Variants in BBX observed in about 807,000 individuals in gnomAD.
BBX encodes the protein HMG box transcription factor BBX.
Under a neutral mutation model 100.2 loss-of-function variants are expected in BBX, and 30 were observed. The observed-to-expected ratio is 0.30, with a 90% CI of 0.22 to 0.41. BBX has a LOEUF of 0.41. BBX is among the 10% of genes least tolerant of loss of function. The pLI, the probability that BBX is intolerant of heterozygous loss-of-function variation, is 1.00. For synonymous variants in BBX, 376 were observed against 388.1 expected, an observed-to-expected ratio of 0.97 and a Z score of 0.37; for missense variants, 1,023 against 1,129.8, an observed-to-expected ratio of 0.91 and a Z score of 1.35.
chr3:107,532,118 C>T (rs543925521), intron 2 of BBX, among the ~76,000 whole-genome samples: 15 of 151,932 alleles, frequency 9.9e-5, no homozygotes, highest in South Asian at 4.2e-4. Context: ...CACTTGAGCC[C>T]GCACGGTTGA....
intron 3 of BBX, among the ~76,000 whole-genome samples, chr3:107,646,591 C>A (rs1243886148): frequency 6.6e-6 from 1 of 151,838 alleles, no homozygotes; most frequent in Non-Finnish European, 1.5e-5. Flanking sequence ...TACTTAAATG[C>A]CTAGAGTTTT....
chr3:107,733,032 G>A lies in BBX; in HGVS notation c.669+9G>A, dbSNP rs1338626836. 2 of 1,610,292 alleles carry A rather than the reference G, an allele frequency of 1.2e-6. No individual in the cohort carries two copies. Among genetic ancestry groups the A allele is most frequent in the Non-Finnish European group, 1.7e-6 (2 of 1,177,646 alleles). ...CTCTTGGCACACCAGAGGTAAGCCA[G>A]TCCTTTTCCGTCTCCACTCTGCTCA... On this transcript the variant is annotated intron_variant, in intron 7 of 17. Transcript: ENST00000325805.
intron 2 of BBX, among the ~76,000 whole-genome samples, chr3:107,592,145 C>G (rs1304839243): frequency 6.6e-6 from 1 of 152,008 alleles, no homozygotes; most frequent in Non-Finnish European, 1.5e-5. Flanking sequence ...GTAAGCTTGT[C>G]TGTTTACAAA....
chr3:107,639,740 A>C (rs185162266), intron 2 of BBX, among the ~76,000 whole-genome samples: 2 of 152,200 alleles, frequency 1.3e-5, no homozygotes, highest in East Asian at 3.8e-4. Flanking sequence ...GGCAATGTAC[A>C]TAATGTACAT....
At chr3:107,765,394 A>G (rs569337461) in intron 10 of BBX, among the ~76,000 whole-genome samples, 4 of 152,320 alleles carry the variant, frequency 2.6e-5, no homozygotes, top group Admixed American at 1.3e-4. Flanking sequence ...AGTCCTAGAC[A>G]GTCTGGCTCT....
chr3:107,659,652 G>C, intron 3 of BBX: 1 of 1,056,420 alleles, frequency 9.5e-7, no homozygotes, highest in Non-Finnish European at 1.3e-6. Context: ...TTCAAACTCA[G>C]GCTGTCTGGC....
At position 107,807,629 on chromosome 3, in the gene BBX, C is replaced by T. The variant is rs1360316162; in HGVS notation, c.*2172C>T. ...ACACGTTAGAATAGATCTATTTTTG[C>T]CAGAGCACCCTCCTTCAGTCCTCCG... is the stretch of plus-strand genomic sequence containing the variant. On this transcript the variant is annotated 3_prime_UTR_variant, in exon 18 of 18. Transcript: ENST00000325805. 6.6e-6 allele frequency: 1 copy of T among 151,726 alleles called. No homozygotes were observed. Among genetic ancestry groups the T allele is most frequent in the East Asian group, 1.9e-4 (1 of 5,200 alleles). 9.4% of individuals were successfully genotyped at this position (151,726 alleles called of 1,614,324 possible). A position where few individuals can be genotyped will look rare whatever the true frequency, so the allele number is the denominator to read the frequency against.
chr3:107,599,144 A>T (rs576092608), intron 2 of BBX, among the ~76,000 whole-genome samples: 1 of 152,284 alleles, frequency 6.6e-6, no homozygotes, highest in South Asian at 2.1e-4. Context: ...ATTGACAGAG[A>T]TTCATACAAG....
intron 12 of BBX, among the ~76,000 whole-genome samples, chr3:107,777,973 T>A (rs2067464989): frequency 6.6e-6 from 1 of 152,084 alleles, no homozygotes; most frequent in African/African-American, 2.4e-5. Context: ...TACCAATATA[T>A]CATATGGTAA....
chr3:107,524,618 G>C (rs1412839717), intron 1 of BBX: 32 of 115,794 alleles, frequency 2.8e-4, no homozygotes, highest in Non-Finnish European at 5.6e-4. Context: ...CGACAGAGGG[G>C]GGGGGGGGGA....
At chr3:107,799,121 G>A (rs2070116501) in intron 16 of BBX, among the ~76,000 whole-genome samples, 1 of 151,688 alleles carries the variant, frequency 6.6e-6, no homozygotes, top group East Asian at 1.9e-4. Context: ...CTGCACTCCA[G>A]CCTGGGCGAC....
intron 2 of BBX, among the ~76,000 whole-genome samples, chr3:107,632,580 T>C (rs2056611493): frequency 6.6e-6 from 1 of 152,232 alleles, no homozygotes; most frequent in Non-Finnish European, 1.5e-5. Context: ...ACAATAAAAA[T>C]ATGTGATTAC....
chr3:107,698,781 TAG>T (rs749938116), intron 3 of BBX, among the ~76,000 whole-genome samples: 1 of 142,042 alleles, frequency 7.0e-6, no homozygotes, highest in Non-Finnish European at 1.6e-5. Context: ...AAATTACAAA[TAG>T]AGAGTCATTT....
At chr3:107,560,274 G>C (rs1373222297) in intron 2 of BBX, among the ~76,000 whole-genome samples, 1 of 151,478 alleles carries the variant, frequency 6.6e-6, no homozygotes, top group Non-Finnish European at 1.5e-5. Flanking sequence ...GTTCCTCCTA[G>C]GTGGTATCTT....
chr3:107,727,909 A>C (rs929372100), intron 5 of BBX, among the ~76,000 whole-genome samples: 4 of 152,212 alleles, frequency 2.6e-5, no homozygotes, highest in Non-Finnish European at 5.9e-5. Flanking sequence ...ATATGTGGAA[A>C]ATACATTCTT....
rs2067028717 is a variant in BBX at position 107,773,023 on chromosome 3, A to T, written c.1302A>T (p.Gly434=). The part of the protein sequence containing the change: ...SRKDHMCHPH[G]IMIIEDPAAL... ...AGGATCATATGTGCCATCCTCATGG[A>T]ATTATGATCATTGAGGATCCCGCAG... The change falls in exon 11 of 18, where the codon GGA becomes GGT. Residue 434 remains glycine (G), a synonymous_variant. Coordinates refer to ENST00000325805, the MANE Select transcript of BBX (RefSeq NM_001142568.3). The surrounding 1 kb of genome is among the most constrained non-coding windows in gnomAD (Gnocchi z 4.1). 6.2e-7 allele frequency: 1 copy of T among 1,613,990 alleles called. No individual in the cohort carries two copies. The highest frequency in any genetic ancestry group is 1.1e-5 in the South Asian group (1 of 91,070).
rs761198102 is a variant in BBX at position 107,732,975 on chromosome 3, C to T, written c.621C>T (p.Gly207=). The T allele has an allele frequency of 1.2e-5, 19 of 1,613,022 alleles. 1 individual carries two copies. In the South Asian group the frequency reaches 1.9e-4, roughly 16 times the overall value. ...FGMADPTQMG[G]LSMLLLAGEH... is the part of the protein sequence containing the mutation. ...ATTTAGATCCTACTCAAATGGGAGGCCTGAGTATGCTGCTGTTAGCTGGAG... is the reference window on the plus strand; with the variant it reads ...ATTTAGATCCTACTCAAATGGGAGGTCTGAGTATGCTGCTGTTAGCTGGAG... The change falls in exon 7 of 18, where the codon GGC becomes GGT. Residue 207 remains glycine (G), a synonymous_variant. Coordinates refer to ENST00000325805, the MANE Select transcript of BBX (RefSeq NM_001142568.3).
chr3:107,781,275 C>A (rs893048605), intron 13 of BBX, among the ~76,000 whole-genome samples: 3 of 151,972 alleles, frequency 2.0e-5, no homozygotes, highest in East Asian at 1.9e-4. Flanking sequence ...TCTGCCCTTC[C>A]TCTTATGTCT....
At chr3:107,632,812 T>C (rs1241015313) in intron 2 of BBX, among the ~76,000 whole-genome samples, 1 of 152,226 alleles carries the variant, frequency 6.6e-6, no homozygotes, top group Admixed American at 6.5e-5. Context: ...TTTTATAAGA[T>C]AATGAAATAA....
Sources: gnomAD v4.1 joint callset for allele counts (sites outside exome capture counted in the v4.1 genomes callset) on GRCh38, gnomAD v4.1.1 for gene constraint, Gnocchi (gnomAD v3.1) non-coding constraint, MANE v1.5 for transcripts, NCBI Gene and HGNC (gene_info 2026-07-23, HGNC 2026-07-21) for gene names.